The following FMN1 variants were observed in gnomAD, a reference collection of about 807,000 sequenced individuals.
FMN1 encodes formin 1, also known as formin-1.
Under a neutral mutation model 132.4 loss-of-function variants are expected in FMN1, and 110 were observed. The ratio of observed to expected loss-of-function variants is 0.83; its 90% CI spans 0.71 to 0.97. The LOEUF is 0.97. Ranked by LOEUF, FMN1 falls within the 50% of genes least tolerant of loss-of-function variation. The pLI, the probability that FMN1 is intolerant of heterozygous loss-of-function variation, is 0.00. For missense variants in FMN1, 1,792 were observed against 1,705.3 expected (o/e 1.05, Z -0.90); for synonymous variants, 722 against 651.7 (o/e 1.11, Z -1.64).
At chr15:33,096,107 T>A (rs998384978) in intron 4 of FMN1, among the ~76,000 whole-genome samples, 1 of 152,000 alleles carries the variant, frequency 6.6e-6, no homozygotes, top group African/African-American at 2.4e-5. Context: ...TGCAACATAG[T>A]GAGAATGAAA....
At chr15:32,811,046 T>C (rs762032328) in intron 17 of FMN1, 5 of 456,566 alleles carry the variant, frequency 1.1e-5, no homozygotes, top group East Asian at 1.4e-4. Flanking sequence ...CGTTGTGCAC[T>C]TTCCAGGAGA....
intron 7 of FMN1, among the ~76,000 whole-genome samples, chr15:33,007,744 CCAT>C (rs1479208922): frequency 2.6e-5 from 4 of 152,170 alleles, no homozygotes; most frequent in African/African-American, 9.7e-5. Flanking sequence ...GAAGTCTATT[CCAT>C]CTTCTCTTCT....
intron 11 of FMN1, among the ~76,000 whole-genome samples, chr15:32,908,852 C>A (rs948613338): frequency 6.6e-6 from 1 of 152,140 alleles, no homozygotes; most frequent in African/African-American, 2.4e-5. Flanking sequence ...AACAAGTACA[C>A]GCAGCTGGAC....
chr15:33,155,125 C>G lies in FMN1; in HGVS notation c.-131-80G>C, dbSNP rs1045489036. On this transcript the variant is annotated intron_variant, in intron 3 of 20. Transcript: ENST00000616417. Reference sequence around the variant, plus strand: ...ACACCAACATAAAATCAAAGCATAACCATGACTTATCCTTCCTCTGTGGCT... The same window carrying G: ...ACACCAACATAAAATCAAAGCATAAGCATGACTTATCCTTCCTCTGTGGCT... 15 of 515,106 alleles carry G rather than the reference C, an allele frequency of 2.9e-5. No individual in the cohort carries two copies. The East Asian group carries it at 4.8e-4, about 16-fold the overall frequency. The allele number at this position is 515,106 out of a possible 1,614,324, so 31.9% of individuals were successfully genotyped here. A position where few individuals can be genotyped will look rare whatever the true frequency, so the allele number is the denominator to read the frequency against.
intron 19 of FMN1, among the ~76,000 whole-genome samples, chr15:32,786,593 A>C (rs531105440): frequency 1.3e-5 from 2 of 152,340 alleles, no homozygotes; most frequent in Non-Finnish European, 2.9e-5. Flanking sequence ...AGGCCAAGGC[A>C]CAAGGAATAA....
At chr15:32,889,580 A>G (rs1369239072) in intron 15 of FMN1, among the ~76,000 whole-genome samples, 1 of 152,082 alleles carries the variant, frequency 6.6e-6, no homozygotes, top group Non-Finnish European at 1.5e-5. Flanking sequence ...TCTTGCTTCT[A>G]GGCCTTTGTC....
rs1334286933 is a variant in FMN1 at position 32,765,867 on chromosome 15, AAAAT to A, written c.*8439_*8442del. 1 of 152,188 alleles carries A rather than the reference AAAAT, an allele frequency of 6.6e-6. No homozygotes were observed. The highest frequency in any genetic ancestry group is 2.4e-5 in the African/African-American group (1 of 41,460). The allele number at this position is 152,188 out of a possible 1,614,324, so 9.4% of individuals were successfully genotyped here. ...TGTTGGTTCCTTCACTCTCTTTTTA[AAAAT>A]AAATACTTCATTTGGTTGCAAATGA... is the stretch of plus-strand genomic sequence containing the variant. On this transcript the variant is annotated 3_prime_UTR_variant, in exon 21 of 21. Coordinates refer to ENST00000616417, the MANE Select transcript of FMN1 (RefSeq NM_001277313.2).
At chr15:33,043,671 C>T (rs1377868128) in intron 6 of FMN1, among the ~76,000 whole-genome samples, 8 of 152,230 alleles carry the variant, frequency 5.3e-5, no homozygotes, top group East Asian at 1.9e-4. Context: ...CTGATGGCAG[C>T]GGCGGCCTAT....
intron 5 of FMN1, chr15:33,067,824 CTTCTGGT>C: frequency 6.2e-7 from 1 of 1,613,946 alleles, no homozygotes; most frequent in Non-Finnish European, 8.5e-7. Flanking sequence ...TCAAGTCCGG[CTTCTGGT>C]TTTGCTGGTT....
At chr15:33,158,438 A>G (rs1964762256) in intron 3 of FMN1, among the ~76,000 whole-genome samples, 1 of 144,644 alleles carries the variant, frequency 6.9e-6, no homozygotes, top group Non-Finnish European at 1.6e-5. Flanking sequence ...CTATTATAAA[A>G]AAAAAGAAAA....
intron 10 of FMN1, among the ~76,000 whole-genome samples, chr15:32,922,070 A>C (rs1010587449): frequency 1.3e-5 from 2 of 152,214 alleles, no homozygotes; most frequent in Non-Finnish European, 2.9e-5. Context: ...GAGTCAAGAT[A>C]CTGCTCTGTT....
chr15:33,169,669 T>C (rs1965238382), intron 3 of FMN1, among the ~76,000 whole-genome samples: 1 of 150,462 alleles, frequency 6.6e-6, no homozygotes, highest in South Asian at 2.1e-4. Context: ...GTATAGCAAA[T>C]AGGTCTGTAA....
intron 4 of FMN1, among the ~76,000 whole-genome samples, chr15:33,127,394 T>C (rs1963194127): frequency 1.3e-5 from 2 of 152,098 alleles, no homozygotes; most frequent in African/African-American, 4.8e-5. Context: ...ACTTTACCAG[T>C]CTCAAAGGAT....
At chr15:33,051,814 G>C (rs549957413) in intron 6 of FMN1, among the ~76,000 whole-genome samples, 1 of 152,180 alleles carries the variant, frequency 6.6e-6, no homozygotes, top group Non-Finnish European at 1.5e-5. Context: ...GGAGGAATCC[G>C]GGGAGAAGGA....
intron 17 of FMN1, among the ~76,000 whole-genome samples, chr15:32,832,639 A>G (rs898593233): frequency 2.0e-5 from 3 of 152,052 alleles, no homozygotes; most frequent in South Asian, 4.1e-4. Flanking sequence ...TTAGCCAGAC[A>G]TGGTGGTGAG....
chr15:33,006,002 G>A (rs138003006), intron 7 of FMN1, among the ~76,000 whole-genome samples: 1 of 152,094 alleles, frequency 6.6e-6, no homozygotes, highest in African/African-American at 2.4e-5. Context: ...TCTGCTGGAT[G>A]GGTAGGGCTT....
intron 7 of FMN1, among the ~76,000 whole-genome samples, chr15:32,996,189 T>A (rs2033759850): frequency 1.3e-5 from 2 of 152,202 alleles, no homozygotes; most frequent in South Asian, 4.1e-4. Flanking sequence ...GTTACAACAT[T>A]GTCACACCCA....
At chr15:32,993,912 T>TGGGGGGGGG (rs61553799) in intron 7 of FMN1, among the ~76,000 whole-genome samples, 1 of 86,970 alleles carries the variant, frequency 1.1e-5, no homozygotes, top group Non-Finnish European at 2.5e-5. Context: ...GGGGGCGGGG[T>TGGGGGGGGG]GGGGGGGGTC....
At chr15:32,923,579 TG>T (rs1354020978) in intron 10 of FMN1, among the ~76,000 whole-genome samples, 1 of 152,222 alleles carries the variant, frequency 6.6e-6, no homozygotes, top group African/African-American at 2.4e-5. Flanking sequence ...TAGAAGTCTG[TG>T]ATGCTACAGT....
Sources: gnomAD v4.1 joint callset for allele counts (sites outside exome capture counted in the v4.1 genomes callset) on GRCh38, gnomAD v4.1.1 for gene constraint, MANE v1.5 for transcripts, NCBI Gene and HGNC (gene_info 2026-07-23, HGNC 2026-07-21) for gene names.